CACNA1S: variants seen among roughly 807,000 people sequenced by gnomAD.
CACNA1S encodes calcium voltage-gated channel subunit alpha1 S, also known as voltage-dependent L-type calcium channel subunit alpha-1S.
Under a neutral mutation model 207.4 loss-of-function variants are expected in CACNA1S, and 126 were observed. That is an observed-to-expected ratio of 0.61 (90% CI 0.53 to 0.70). CACNA1S has a LOEUF of 0.70. Ranked by LOEUF, CACNA1S falls within the 30% of genes least tolerant of loss-of-function variation. The pLI, the probability that CACNA1S is intolerant of heterozygous loss-of-function variation, is 0.00. For synonymous variants in CACNA1S, 960 were observed against 932.7 expected (o/e 1.03, Z -0.53); for missense variants, 2,349 against 2,422.8 (o/e 0.97, Z 0.64).
chr1:201,043,026 T>C (rs1229436202), intron 40 of CACNA1S: 12 of 471,288 alleles, frequency 2.5e-5, no homozygotes, highest in Non-Finnish European at 4.7e-5. Context: ...CTAGACTTGC[T>C]GAAGCCGACG....
At position 201,066,307 on chromosome 1, in the gene CACNA1S, G is replaced by A. The variant is rs188071541; in HGVS notation, c.2667C>T (p.Ala889=). The change falls in exon 21 of 44, where the codon GCC becomes GCT. Residue 889 remains alanine, a synonymous_variant. Coordinates refer to ENST00000362061, the MANE Select transcript of CACNA1S (RefSeq NM_000069.3). This position sits in a 1 kb window ranked among gnomAD's most constrained non-coding sequence, Gnocchi z 4.3. ...SLISMGLESS[A]ISVVKILRVL... ...CCCTCAGGATCTTCACCACGGAGAT[G>A]GCACTGGACCTGGGGGGCGGCAATG... The A allele has an allele frequency of 4.8e-5, 78 of 1,611,474 alleles. No individual in the cohort carries two copies. In the East Asian group the frequency reaches 7.8e-4, roughly 16 times the overall value.
At chr1:201,043,916 C>G (rs1044361017) in intron 39 of CACNA1S, among the ~76,000 whole-genome samples, 6 of 152,046 alleles carry the variant, frequency 3.9e-5, no homozygotes, top group African/African-American at 1.4e-4. Context: ...CATGAATAAC[C>G]CAAAAAGACC....
At chr1:201,108,562 G>C (rs906172982) in intron 2 of CACNA1S, among the ~76,000 whole-genome samples, 5 of 152,160 alleles carry the variant, frequency 3.3e-5, no homozygotes, top group Non-Finnish European at 7.3e-5. Flanking sequence ...CTATGGTGTA[G>C]AATGCCCAGA....
chr1:201,063,209 A>G (rs1442179490), intron 22 of CACNA1S, among the ~76,000 whole-genome samples: 1 of 150,818 alleles, frequency 6.6e-6, no homozygotes, highest in African/African-American at 2.4e-5. Flanking sequence ...TTTAGGGTAC[A>G]TGTGCACATT....
chr1:201,074,311 A>G (rs952434189), intron 14 of CACNA1S, among the ~76,000 whole-genome samples, 195 bp downstream of exon 14: 2 of 152,214 alleles, frequency 1.3e-5, no homozygotes, highest in African/African-American at 2.4e-5. Flanking sequence ...CAGAAGGCCA[A>G]CTTGTCTCTG....
rs777195637 is a variant in CACNA1S, at chr1:201,039,807, G to A, written c.*24C>T. The A allele has an allele frequency of 6.2e-7, 1 of 1,601,028 alleles. No individual in the cohort carries two copies. Among genetic ancestry groups the A allele is most frequent in the Non-Finnish European group, 8.5e-7 (1 of 1,179,956 alleles). On this transcript the variant is annotated 3_prime_UTR_variant, in exon 44 of 44. Transcript: ENST00000362061. ...CCCCCATTGGTCATGCCAGCTCTAAGCCCATGCTGATGCTGTGTGGGCATC... is the reference window on the plus strand; with the variant it reads ...CCCCCATTGGTCATGCCAGCTCTAAACCCATGCTGATGCTGTGTGGGCATC...
chr1:201,048,901 C>T (rs754838020), intron 35 of CACNA1S, 102 bp downstream of exon 35: 56 of 998,334 alleles, frequency 5.6e-5, no homozygotes, highest in Middle Eastern at 2.6e-4. Flanking sequence ...CAGGAGATCC[C>T]GGCTCTACAA....
At chr1:201,089,134 G>A (rs1334010258) in intron 6 of CACNA1S, 124 bp downstream of exon 6, 2 of 853,512 alleles carry the variant, frequency 2.3e-6, no homozygotes, top group East Asian at 5.2e-5. Context: ...AGGAGCAAGA[G>A]GGAGCTGTGG....
chr1:201,068,548 G>A (rs1401380925), intron 19 of CACNA1S, among the ~76,000 whole-genome samples: 1 of 149,430 alleles, frequency 6.7e-6, no homozygotes, highest in Non-Finnish European at 1.5e-5. Flanking sequence ...CGGCCACCAG[G>A]TCTGCTCTTA....
At chr1:201,071,363 A>C (rs768049047) in intron 16 of CACNA1S, among the ~76,000 whole-genome samples, 1 of 151,692 alleles carries the variant, frequency 6.6e-6, no homozygotes, top group Non-Finnish European at 1.5e-5. Context: ...TCCTAACGTG[A>C]CACTTTCTGT....
chr1:201,069,617 A>G lies in CACNA1S; in HGVS notation c.2361-16T>C, dbSNP rs2102131498. 1 of 1,550,750 alleles carries G rather than the reference A, an allele frequency of 6.4e-7. No homozygotes were observed. The highest frequency in any genetic ancestry group is 2.4e-5 in the East Asian group (1 of 41,068). On this transcript the variant is annotated splice_polypyrimidine_tract_variant and intron_variant, in intron 17 of 43. Transcript: ENST00000362061. ...GACACGGATCCTGGTGGGGCGAGGT[A>G]GGGAGGGCAGGGGAGCTGTGAGCTG...
Position 201,044,329 on chromosome 1 carries a change from CG to C in CACNA1S, c.4795del (p.Arg1599GlyfsTer35). 2.5e-6 allele frequency: 4 copies of C among 1,613,318 alleles called. No individual in the cohort carries two copies. Among genetic ancestry groups the C allele is most frequent in the Non-Finnish European group, 3.4e-6 (4 of 1,179,604 alleles). On this transcript the variant is annotated frameshift_variant and splice_region_variant, in exon 39 of 44. Coordinates refer to ENST00000362061, the MANE Select transcript of CACNA1S (RefSeq NM_000069.3). LOFTEE classifies it high-confidence loss of function. Reference sequence around the variant, plus strand: ...GGGGTGCTCCTGGCTCTCCCTCACCCGGAATATTCCCTCCTCCATCGCAGCC... The same window carrying C: ...GGGGTGCTCCTGGCTCTCCCTCACCCGAATATTCCCTCCTCCATCGCAGCC... ...VEAAMEEGIF[R>X]RTGGLFGQVD...
At position 201,058,393 on chromosome 1, in the gene CACNA1S, C is replaced by T; in HGVS notation, c.3609+15G>A. 2 of 1,611,726 alleles carry T rather than the reference C, an allele frequency of 1.2e-6. No individual in the cohort carries two copies. Among genetic ancestry groups the T allele is most frequent in the Non-Finnish European group, 1.7e-6 (2 of 1,177,808 alleles). On this transcript the variant is annotated intron_variant, in intron 28 of 43. Transcript: ENST00000362061. ...GGGCCCACCCTAGTGATGGCTCTGCCTGCCTGATACTCACGTCGATCTCAC... is the reference window on the plus strand; with the variant it reads ...GGGCCCACCCTAGTGATGGCTCTGCTTGCCTGATACTCACGTCGATCTCAC...
At chr1:201,107,314 C>T (rs1260611261) in intron 2 of CACNA1S, among the ~76,000 whole-genome samples, 5 of 152,248 alleles carry the variant, frequency 3.3e-5, no homozygotes, top group Admixed American at 6.5e-5. Flanking sequence ...TCAGGTTAAA[C>T]ATCCCATACT....
At chr1:201,087,716 A>C (rs1662084549) in intron 7 of CACNA1S, 110 bp downstream of exon 7, 48 of 659,124 alleles carry the variant, frequency 7.3e-5, no homozygotes, top group African/African-American at 1.7e-4. Context: ...CCTCCTCTCC[A>C]CTCGCCCCCC....
intron 11 of CACNA1S, 57 bp from the exon 12 acceptor site, chr1:201,077,184 G>C: frequency 5.5e-6 from 8 of 1,464,280 alleles, no homozygotes; most frequent in Non-Finnish European, 7.6e-6. Context: ...TGGGGCCCAC[G>C]AGGTGTGGAC....
In CACNA1S at chr1:201,095,211, T is replaced by C. The variant is rs529306637; in HGVS notation, c.259-1190A>G. The stretch of plus-strand genomic sequence containing the variant: ...ACGTGTGTATATATATACACACACA[T>C]ACAGATCTATCCTGATTGGTGCTCT... On this transcript the variant is annotated intron_variant, in intron 2 of 43. Coordinates refer to ENST00000362061, the MANE Select transcript of CACNA1S (RefSeq NM_000069.3). 2.3e-3 allele frequency among the ~76,000 whole-genome samples: 343 copies of C among 151,452 alleles called. 3 individuals carry two copies. Among genetic ancestry groups the C allele is most frequent in the African/African-American group, 8.0e-3 (329 of 41,232 alleles).
Position 201,075,600 on chromosome 1 carries a change from C to G in CACNA1S, c.1843G>C (p.Asp615His). 6.2e-7 allele frequency: 1 copy of G among 1,614,166 alleles called. No homozygotes were observed. Among genetic ancestry groups the G allele is most frequent in the Non-Finnish European group, 8.5e-7 (1 of 1,179,972 alleles). The change falls in exon 13 of 44, where the codon GAC (aspartate) becomes CAC (histidine). Residue 615 changes from aspartate (D) to histidine (H), a missense_variant. Asp to His is a moderately conservative substitution (Grantham distance 81, BLOSUM62 -1). Coordinates refer to ENST00000362061, the MANE Select transcript of CACNA1S (RefSeq NM_000069.3). ...ISVFQVLTGE[D>H]WTSMMYNGIM... ...CCATTGTACATCATTGAGGTCCAGT[C>G]TTCCCCTGTCAGTACCTGTATGGAG...
At chr1:201,076,642 C>T (rs747614647) in intron 12 of CACNA1S, among the ~76,000 whole-genome samples, 1 of 152,226 alleles carries the variant, frequency 6.6e-6, no homozygotes, top group Non-Finnish European at 1.5e-5. Context: ...CATCCCTAAC[C>T]CAGTCATATT....
Sources: gnomAD v4.1 joint callset for allele counts (sites outside exome capture counted in the v4.1 genomes callset) on GRCh38, gnomAD v4.1.1 for gene constraint, Gnocchi (gnomAD v3.1) non-coding constraint, MANE v1.5 for transcripts, NCBI Gene and HGNC (gene_info 2026-07-23, HGNC 2026-07-21) for gene names.